The following MACROD2 variants were observed in gnomAD, a reference collection of about 807,000 sequenced individuals.
MACROD2 encodes mono-ADP ribosylhydrolase 2.
MACROD2 carries 36 observed loss-of-function variants against 70.4 expected under a neutral mutation model. The ratio of observed to expected loss-of-function variants is 0.51; its 90% confidence interval spans 0.39 to 0.68. MACROD2 has a LOEUF of 0.68. Ranked by LOEUF, MACROD2 falls within the 30% of genes least tolerant of loss-of-function variation. MACROD2 has a pLI of 0.00. For missense variants in MACROD2, 496 were observed against 538.4 expected (o/e 0.92, Z 0.78); for synonymous variants, 172 against 178.8 (o/e 0.96, Z 0.30).
chr20:14,255,820 C>A (rs1485604629), intron 3 of MACROD2, among the ~76,000 whole-genome samples: 1 of 151,842 alleles, frequency 6.6e-6, no homozygotes, highest in Non-Finnish European at 1.5e-5. Context: ...CTCTGAATCA[C>A]ATTCTCCCTC....
intron 5 of MACROD2, among the ~76,000 whole-genome samples, chr20:15,217,491 C>T (rs550904426): frequency 6.6e-6 from 1 of 152,274 alleles, no homozygotes; most frequent in African/African-American, 2.4e-5. Flanking sequence ...TTCTTGCTCT[C>T]TCCTGATATC....
intron 3 of MACROD2, among the ~76,000 whole-genome samples, chr20:14,437,259 A>G (rs551551512): frequency 2.0e-5 from 3 of 152,168 alleles, no homozygotes; most frequent in East Asian, 1.9e-4. Flanking sequence ...AACTTTTCCC[A>G]TTCTTTTATA....
intron 7 of MACROD2, among the ~76,000 whole-genome samples, chr20:15,432,901 G>A (rs1420694040): frequency 6.6e-6 from 1 of 151,826 alleles, no homozygotes; most frequent in Non-Finnish European, 1.5e-5. Flanking sequence ...TGGTGGGAAA[G>A]GAAAACAGAA....
intron 8 of MACROD2, among the ~76,000 whole-genome samples, chr20:15,534,004 T>A (rs536758726): frequency 6.6e-6 from 1 of 152,194 alleles, no homozygotes; most frequent in African/African-American, 2.4e-5. Context: ...GATATTTTTT[T>A]CCCAACTGTA....
chr20:15,738,005 C>T (rs1281777470), intron 8 of MACROD2, among the ~76,000 whole-genome samples: 1 of 151,988 alleles, frequency 6.6e-6, no homozygotes, highest in African/African-American at 2.4e-5. Context: ...AAAATTAAAA[C>T]AAACTCATGG....
intron 4 of MACROD2, among the ~76,000 whole-genome samples, chr20:14,505,390 A>T (rs1337749449): frequency 2.0e-5 from 3 of 152,206 alleles, no homozygotes; most frequent in African/African-American, 7.2e-5. Context: ...TATATCAAGG[A>T]ATACCTGTTT....
intron 5 of MACROD2, among the ~76,000 whole-genome samples, chr20:14,829,060 G>C (rs960844564): frequency 1.3e-5 from 2 of 150,166 alleles, no homozygotes; most frequent in Non-Finnish European, 3.0e-5. Context: ...GCGTGCATTA[G>C]CTGCTTTTCC....
intron 6 of MACROD2, among the ~76,000 whole-genome samples, chr20:15,238,293 C>T (rs1241287258): frequency 1.3e-5 from 2 of 152,030 alleles, no homozygotes; most frequent in African/African-American, 4.8e-5. Context: ...GCCTTATATC[C>T]TATAGAATAC....
chr20:15,394,585 A>G (rs1438118036), intron 6 of MACROD2, among the ~76,000 whole-genome samples: 2 of 152,210 alleles, frequency 1.3e-5, no homozygotes. Context: ...GAGGTCACCC[A>G]CCATTTTCCA....
rs564483839 is a variant in MACROD2 at position 15,959,308 on chromosome 20, C to T, written c.908-8245C>T. Among the ~76,000 whole-genome samples the T allele has an allele frequency of 5.1e-4, 77 of 152,198 alleles. 1 individual carries two copies. The highest frequency in any genetic ancestry group is 2.4e-4 in the Non-Finnish European group (16 of 68,010). On this transcript the variant is annotated intron_variant, in intron 12 of 17. Coordinates refer to ENST00000684519, the MANE Select transcript of MACROD2 (RefSeq NM_001351661.2). ...CAGATGTCCCCTGATTTTTTTCTAC[C>T]ATCAGGGTGATATTTGAAAATGAAA...
intron 8 of MACROD2, among the ~76,000 whole-genome samples, chr20:15,527,027 C>T (rs926715346): frequency 1.3e-5 from 2 of 152,046 alleles, no homozygotes; most frequent in African/African-American, 4.8e-5. Flanking sequence ...TGGGTGAATG[C>T]CAAAATATTA....
chr20:14,282,459 G>A (rs1255986006), intron 3 of MACROD2, among the ~76,000 whole-genome samples: 1 of 152,180 alleles, frequency 6.6e-6, no homozygotes, highest in Non-Finnish European at 1.5e-5. Context: ...ACCTCTCCAT[G>A]TGACCTGGGC....
At chr20:14,720,569 T>A (rs189508789) in intron 5 of MACROD2, among the ~76,000 whole-genome samples, 1 of 84,094 alleles carries the variant, frequency 1.2e-5, no homozygotes, top group African/African-American at 4.7e-5. Context: ...TTTTTTTTTT[T>A]TGTGAGGCAG....
At chr20:16,046,772 C>T (rs1031487954) in intron 17 of MACROD2, among the ~76,000 whole-genome samples, 2 of 150,692 alleles carry the variant, frequency 1.3e-5, no homozygotes, top group Non-Finnish European at 2.9e-5. Context: ...ACTTCACCTC[C>T]CTGTTTCAAG....
At chr20:15,283,978 G>A (rs1439172798) in intron 6 of MACROD2, among the ~76,000 whole-genome samples, 1 of 151,910 alleles carries the variant, frequency 6.6e-6, no homozygotes, top group African/African-American at 2.4e-5. Context: ...GCAATTCTCA[G>A]TATATCATTT....
At chr20:15,182,442 G>A (rs1030152136) in intron 5 of MACROD2, among the ~76,000 whole-genome samples, 1 of 152,166 alleles carries the variant, frequency 6.6e-6, no homozygotes, top group South Asian at 2.1e-4. Context: ...AGCTAACAAG[G>A]TCATAAGCTC....
chr20:15,398,665 A>G (rs552490342), intron 6 of MACROD2, among the ~76,000 whole-genome samples: 2 of 152,328 alleles, frequency 1.3e-5, no homozygotes, highest in Admixed American at 6.5e-5. Context: ...ATTGTGAAAA[A>G]AAGATCTAAA....
At chr20:14,277,713 G>A (rs1281264356) in intron 3 of MACROD2, among the ~76,000 whole-genome samples, 1 of 151,970 alleles carries the variant, frequency 6.6e-6, no homozygotes, top group Non-Finnish European at 1.5e-5. Flanking sequence ...AAAAGAGAGA[G>A]TGAGAGAGAG....
At chr20:15,869,495 A>G (rs1050968637) in intron 9 of MACROD2, among the ~76,000 whole-genome samples, 12 of 151,846 alleles carry the variant, frequency 7.9e-5, no homozygotes, top group African/African-American at 2.4e-4. Context: ...TATTTGACCT[A>G]TTAATATTTG....
Sources: gnomAD v4.1 joint callset for allele counts (sites outside exome capture counted in the v4.1 genomes callset) on GRCh38, gnomAD v4.1.1 for gene constraint, MANE v1.5 for transcripts, NCBI Gene and HGNC (gene_info 2026-07-23, HGNC 2026-07-21) for gene names.